NEK1: variants seen among roughly 807,000 people sequenced by gnomAD.
NEK1 encodes the protein serine/threonine-protein kinase Nek1.
In NEK1, 137 loss-of-function variants were observed where a neutral mutation model predicts 182.1. The ratio of observed to expected loss-of-function variants is 0.75; its 90% CI spans 0.65 to 0.87. The LOEUF (loss-of-function observed/expected upper bound fraction) is 0.87. Among genes scored for constraint, NEK1 ranks in the 40% least tolerant of loss-of-function variants. The pLI is 0.00. For missense variants in NEK1, 1,391 were observed against 1,494.4 expected (o/e 0.93, Z 1.14); for synonymous variants, 513 against 492.2 (o/e 1.04, Z -0.56).
At chr4:169,569,196 T>C (rs371563296) in intron 12 of NEK1, among the ~76,000 whole-genome samples, 2 of 152,178 alleles carry the variant, frequency 1.3e-5, no homozygotes, top group East Asian at 3.9e-4. Context: ...GAATTAGATA[T>C]GTAGGTACAG....
intron 19 of NEK1, among the ~76,000 whole-genome samples, chr4:169,524,085 T>C (rs1325941279): frequency 1.3e-5 from 2 of 152,214 alleles, no homozygotes; most frequent in African/African-American, 4.8e-5. Flanking sequence ...TGTACCAGGA[T>C]ATATCTACAA....
At chr4:169,437,944 C>G (rs1202914969) in intron 28 of NEK1, 139 bp downstream of exon 28, 1 of 662,704 alleles carries the variant, frequency 1.5e-6, no homozygotes, top group East Asian at 2.9e-5. Flanking sequence ...AGACCAATAG[C>G]TAAAAATATA....
In NEK1 at chr4:169,477,512, A is replaced by G; in HGVS notation, c.2140-15T>C. 6.4e-7 allele frequency: 1 copy of G among 1,573,444 alleles called. No individual in the cohort carries two copies. Among genetic ancestry groups the G allele is most frequent in the East Asian group, 2.3e-5 (1 of 44,414 alleles). On this transcript the variant is annotated splice_polypyrimidine_tract_variant and intron_variant, in intron 24 of 35. Coordinates refer to ENST00000507142, the MANE Select transcript of NEK1 (RefSeq NM_001199397.3). ...AAACTACTGTCCTTTAAATGCAGAT[A>G]GATACAGAGGAAGAGATAATTTTAT...
At chr4:169,509,195 C>G (rs945476517) in intron 19 of NEK1, among the ~76,000 whole-genome samples, 7 of 152,108 alleles carry the variant, frequency 4.6e-5, no homozygotes, top group Non-Finnish European at 8.8e-5. Flanking sequence ...CCTCTACAAA[C>G]AGCCAATCCA....
chr4:169,445,919 A>G (rs190231507), intron 27 of NEK1, among the ~76,000 whole-genome samples: 15 of 151,398 alleles, frequency 9.9e-5, no homozygotes, highest in Non-Finnish European at 1.9e-4. Flanking sequence ...AGCCATAAAA[A>G]GAATGAAATC....
intron 18 of NEK1, chr4:169,554,086 C>T (rs1761803395): frequency 6.6e-6 from 1 of 152,112 alleles, no homozygotes; most frequent in Non-Finnish European, 1.5e-5. Context: ...TTAAAAGCAA[C>T]CAAGATGTCC....
chr4:169,406,867 T>C, intron 31 of NEK1, 120 bp from the exon 32 acceptor site: 6 of 562,218 alleles, frequency 1.1e-5, no homozygotes, highest in Non-Finnish European at 1.4e-5. Flanking sequence ...ATATAAAAAG[T>C]TTTTTTATAT....
intron 26 of NEK1, among the ~76,000 whole-genome samples, chr4:169,464,928 T>G (rs563274694): frequency 1.3e-5 from 2 of 152,082 alleles, no homozygotes; most frequent in African/African-American, 2.4e-5. Context: ...ATAAAAATTA[T>G]ATACTGAAGT....
chr4:169,431,246 TATA>T (rs1413938363), intron 29 of NEK1, among the ~76,000 whole-genome samples: 2 of 152,134 alleles, frequency 1.3e-5, no homozygotes, highest in African/African-American at 4.8e-5. Flanking sequence ...TTTATAATGC[TATA>T]ATGTGTAATT....
intron 5 of NEK1, among the ~76,000 whole-genome samples, chr4:169,593,929 C>T (rs1264964984): frequency 6.7e-6 from 1 of 150,016 alleles, no homozygotes; most frequent in Non-Finnish European, 1.5e-5. Flanking sequence ...ACGGAGCTTG[C>T]AGTGAGCCGA....
At chr4:169,610,315 TTTTTTTC>T (rs529789471) in intron 2 of NEK1, among the ~76,000 whole-genome samples, 1 of 150,776 alleles carries the variant, frequency 6.6e-6, no homozygotes, top group Non-Finnish European at 1.5e-5. Context: ...AATTTCTTTC[TTTTTTTC>T]TTTTTTCTTT....
At chr4:169,589,573 C>A (rs1581003523) in intron 6 of NEK1, 59 bp from the exon 7 acceptor site, 5 of 1,028,616 alleles carry the variant, frequency 4.9e-6, no homozygotes, top group Middle Eastern at 2.1e-4. Flanking sequence ...AGTTCTAAGT[C>A]AACATTTTTC....
At chr4:169,518,718 T>G (rs1463189163) in intron 19 of NEK1, among the ~76,000 whole-genome samples, 6 of 82,540 alleles carry the variant, frequency 7.3e-5, no homozygotes, top group Non-Finnish European at 1.3e-4. Flanking sequence ...TTTGTTCTCG[T>G]TGGTTTCAAA....
intron 6 of NEK1, among the ~76,000 whole-genome samples, chr4:169,590,348 A>ACAGACAGACAGACAGG (rs1254754867): frequency 6.6e-6 from 1 of 151,718 alleles, no homozygotes; most frequent in African/African-American, 2.4e-5. Context: ...AGACAGACAG[A>ACAGACAGACAGACAGG]CAGGCAAAAG....
chr4:169,494,422 T>A (rs1750751420), intron 23 of NEK1, among the ~76,000 whole-genome samples: 1 of 152,216 alleles, frequency 6.6e-6, no homozygotes, highest in Non-Finnish European at 1.5e-5. Context: ...ACAAAGGACA[T>A]GAACTCGTCA....
intron 18 of NEK1, among the ~76,000 whole-genome samples, chr4:169,548,497 G>A (rs1760898912): frequency 6.6e-6 from 1 of 152,248 alleles, no homozygotes; most frequent in African/African-American, 2.4e-5. Context: ...CAAACTCTGT[G>A]CTGGGAGATC....
At position 169,399,046 on chromosome 4, in the gene NEK1, C is replaced by T. The variant is rs191017990; in HGVS notation, c.3847+1179G>A. Among the ~76,000 whole-genome samples, 548 of 150,554 alleles carry T rather than the reference C, an allele frequency of 3.6e-3. 3 individuals carry two copies. The highest frequency in any genetic ancestry group is 0.01 in the African/African-American group (417 of 40,894). ...GGTGAATCATTTGAGGTCAGGAGTT[C>T]GAGGCCAGCCTGGCCAACATGGTGA... On this transcript the variant is annotated intron_variant, in intron 35 of 35. Coordinates refer to ENST00000507142, the MANE Select transcript of NEK1 (RefSeq NM_001199397.3).
intron 23 of NEK1, among the ~76,000 whole-genome samples, chr4:169,489,456 G>A (rs1385120890): frequency 2.0e-5 from 3 of 152,204 alleles, no homozygotes; most frequent in Non-Finnish European, 4.4e-5. Flanking sequence ...AGAATAGCAA[G>A]GGAGTGGCAG....
chr4:169,472,262 G>A (rs1746129423), intron 26 of NEK1, among the ~76,000 whole-genome samples: 1 of 152,178 alleles, frequency 6.6e-6, no homozygotes, highest in Non-Finnish European at 1.5e-5. Context: ...GGCCCTGGTT[G>A]TATAGGCACC....
Sources: gnomAD v4.1 joint callset for allele counts (sites outside exome capture counted in the v4.1 genomes callset) on GRCh38, gnomAD v4.1.1 for gene constraint, MANE v1.5 for transcripts, NCBI Gene and HGNC (gene_info 2026-07-23, HGNC 2026-07-21) for gene names.